The following CADPS2 variants were observed in gnomAD, a reference collection of about 807,000 sequenced individuals.
CADPS2 encodes the protein calcium dependent secretion activator 2.
In CADPS2, 93 loss-of-function variants were observed where a neutral mutation model predicts 172.5. That is an observed-to-expected ratio of 0.54 (90% CI 0.46 to 0.64). The LOEUF is 0.64. CADPS2 is among the 30% of genes least tolerant of loss of function. The pLI, the probability that CADPS2 is intolerant of heterozygous loss-of-function variation, is 0.00. For synonymous variants in CADPS2, 546 were observed against 555.2 expected (o/e 0.98, Z 0.23); for missense variants, 1,420 against 1,565.9 (o/e 0.91, Z 1.57).
intron 4 of CADPS2, among the ~76,000 whole-genome samples, chr7:122,628,969 G>A (rs2076324215): frequency 6.6e-6 from 1 of 151,582 alleles, no homozygotes. Flanking sequence ...AGATCTGGCA[G>A]TTTGAGAAAC....
chr7:122,618,563 A>G (rs1290377501), intron 5 of CADPS2, among the ~76,000 whole-genome samples: 1 of 152,150 alleles, frequency 6.6e-6, no homozygotes, highest in African/African-American at 2.4e-5. Context: ...AGAGTTTTTC[A>G]AATCTGCACT....
chr7:122,560,085 G>A (rs1267389414), intron 7 of CADPS2, among the ~76,000 whole-genome samples: 4 of 152,146 alleles, frequency 2.6e-5, no homozygotes, highest in African/African-American at 9.7e-5. Context: ...GTTGCGGCCA[G>A]ATAGCAATGG....
chr7:122,829,766 T>C (rs150517445), intron 1 of CADPS2, among the ~76,000 whole-genome samples: 17 of 152,020 alleles, frequency 1.1e-4, no homozygotes, highest in African/African-American at 3.9e-4. Context: ...ACCTCTATGT[T>C]ATAATATTTA....
At chr7:122,326,538 T>C (rs2033912329) in intron 28 of CADPS2, among the ~76,000 whole-genome samples, 1 of 152,080 alleles carries the variant, frequency 6.6e-6, no homozygotes, top group South Asian at 2.1e-4. Flanking sequence ...AATATCAATG[T>C]CCACTCAGCA....
chr7:122,784,715 T>G (rs573160402), intron 1 of CADPS2, among the ~76,000 whole-genome samples: 7 of 152,124 alleles, frequency 4.6e-5, no homozygotes, highest in Non-Finnish European at 1.0e-4. Context: ...GTAACTTTAG[T>G]ATTTTTTTTT....
At chr7:122,749,811 G>A (rs1310809966) in intron 1 of CADPS2, among the ~76,000 whole-genome samples, 2 of 151,822 alleles carry the variant, frequency 1.3e-5, no homozygotes, top group African/African-American at 4.8e-5. Context: ...GCCCTCTTCA[G>A]GATTGGCATT....
At position 122,863,377 on chromosome 7, in the gene CADPS2, G is replaced by A. The variant is rs149206522; in HGVS notation, c.339+22622C>T. ...AGAACACTGAGATGTGATGTAGGAT[G>A]AAGAACAATTATTCATCATGCATTT... On this transcript the variant is annotated intron_variant, in intron 1 of 29. Transcript: ENST00000449022. Among the ~76,000 whole-genome samples the A allele has an allele frequency of 6.7e-3, 1,013 of 152,290 alleles. 7 individuals carry two copies. Among genetic ancestry groups the A allele is most frequent in the Middle Eastern group, 0.034 (10 of 294 alleles).
intron 6 of CADPS2, among the ~76,000 whole-genome samples, chr7:122,587,346 A>G (rs1222430885): frequency 1.3e-5 from 2 of 152,030 alleles, no homozygotes; most frequent in Non-Finnish European, 2.9e-5. Flanking sequence ...GCTCCCACAT[A>G]TAAGTGAGAA....
intron 9 of CADPS2, among the ~76,000 whole-genome samples, chr7:122,503,660 T>C (rs1445774829): frequency 1.3e-5 from 2 of 152,214 alleles, no homozygotes; most frequent in Non-Finnish European, 2.9e-5. Context: ...GTTTCTTGTG[T>C]ATTTATAACC....
At chr7:122,394,151 T>A (rs1208850009) in intron 20 of CADPS2, among the ~76,000 whole-genome samples, 1 of 152,210 alleles carries the variant, frequency 6.6e-6, no homozygotes, top group African/African-American at 2.4e-5. Context: ...CATATCTGTA[T>A]TTAAAAACAG....
chr7:122,646,800 G>A (rs1020936299), intron 3 of CADPS2, among the ~76,000 whole-genome samples: 2 of 152,092 alleles, frequency 1.3e-5, no homozygotes, highest in African/African-American at 4.8e-5. Flanking sequence ...AAAAACAAAA[G>A]TATGTAGGAT....
At position 122,474,514 on chromosome 7, in the gene CADPS2, G is replaced by T. The variant is rs1027924977; in HGVS notation, c.1865C>A (p.Ala622Glu). 6.2e-7 allele frequency: 1 copy of T among 1,612,274 alleles called. No individual in the cohort carries two copies. Reference sequence around the variant, plus strand: ...CATACCATGTTTCTGAAAACGATCTGCATCTGTAAATTCAGGAAAGCATGT... The same window carrying T: ...CATACCATGTTTCTGAAAACGATCTTCATCTGTAAATTCAGGAAAGCATGT... ...HADAQLSGKD[A>E]DRFQKHGMDE... Residue 622 changes from alanine (A) to glutamate (E), a missense_variant, in exon 13 of 30, where the codon GCA becomes GAA. Coordinates refer to ENST00000449022, the MANE Select transcript of CADPS2 (RefSeq NM_017954.11).
chr7:122,603,175 A>G (rs1241005710), intron 6 of CADPS2, among the ~76,000 whole-genome samples: 1 of 152,060 alleles, frequency 6.6e-6, no homozygotes, highest in Non-Finnish European at 1.5e-5. Context: ...TTTGAAAACT[A>G]CCTCCATTTG....
At chr7:122,443,462 T>C (rs991601869) in intron 15 of CADPS2, among the ~76,000 whole-genome samples, 2 of 152,142 alleles carry the variant, frequency 1.3e-5, no homozygotes, top group African/African-American at 4.8e-5. Flanking sequence ...AGCCACATTA[T>C]ATACCTAACA....
intron 13 of CADPS2, among the ~76,000 whole-genome samples, 199 bp downstream of exon 13, chr7:122,474,182 A>G (rs1225873806): frequency 6.6e-6 from 1 of 152,170 alleles, no homozygotes; most frequent in Non-Finnish European, 1.5e-5. Flanking sequence ...GTGGTCTTCA[A>G]GTGTATAATT....
chr7:122,525,228 TC>T (rs2131140578), intron 8 of CADPS2, among the ~76,000 whole-genome samples: 1 of 152,290 alleles, frequency 6.6e-6, no homozygotes, highest in Admixed American at 6.5e-5. Flanking sequence ...GGCCTCTTCT[TC>T]TAGTATGTTG....
intron 12 of CADPS2, among the ~76,000 whole-genome samples, chr7:122,477,300 G>A (rs1362811346): frequency 2.0e-5 from 3 of 151,928 alleles, no homozygotes; most frequent in African/African-American, 4.8e-5. Context: ...ATCACCTGGG[G>A]CCAGGAGTTC....
At chr7:122,867,928 T>A (rs981251051) in intron 1 of CADPS2, among the ~76,000 whole-genome samples, 3 of 152,138 alleles carry the variant, frequency 2.0e-5, no homozygotes, top group Non-Finnish European at 2.9e-5. Flanking sequence ...TCTTCATACC[T>A]GAAGGGGAAA....
At chr7:122,547,239 C>T (rs553602167) in intron 8 of CADPS2, among the ~76,000 whole-genome samples, 6 of 152,050 alleles carry the variant, frequency 3.9e-5, no homozygotes, top group Non-Finnish European at 8.8e-5. Flanking sequence ...TGTTGACAGG[C>T]AACAAGCCTC....
Sources: gnomAD v4.1 joint callset for allele counts (sites outside exome capture counted in the v4.1 genomes callset) on GRCh38, gnomAD v4.1.1 for gene constraint, MANE v1.5 for transcripts, NCBI Gene and HGNC (gene_info 2026-07-23, HGNC 2026-07-21) for gene names.